The following PELP1 variants were observed in gnomAD, a reference collection of about 807,000 sequenced individuals.
The protein encoded by PELP1 is proline-, glutamic acid- and leucine-rich protein 1.
A neutral mutation model predicts 95.5 loss-of-function variants in PELP1; 32 were observed. The ratio of observed to expected loss-of-function variants is 0.34; its 90% CI spans 0.25 to 0.45. PELP1 has a LOEUF of 0.45. Among genes scored for constraint, PELP1 ranks in the 20% least tolerant of loss-of-function variants. The pLI is 1.00. For synonymous variants in PELP1, 668 were observed against 600.1 expected (o/e 1.11, Z -1.65); for missense variants, 1,358 against 1,444.8 (o/e 0.94, Z 0.97).
intron 3 of PELP1, 91 bp downstream of exon 3, chr17:4,690,797 T>C (rs1457985819): frequency 1.4e-5 from 11 of 803,506 alleles, no homozygotes; most frequent in Non-Finnish European, 2.4e-5. Context: ...TCCCCAGAAC[T>C]ACATGTCCAA....
At chr17:4,698,008 G>GCTTTTTT (rs1223259169) in intron 1 of PELP1, among the ~76,000 whole-genome samples, 2 of 133,596 alleles carry the variant, frequency 1.5e-5, no homozygotes, top group African/African-American at 2.8e-5. Flanking sequence ...TTTCTGCAAG[G>GCTTTTTT]TTTTTTTTTT....
At chr17:4,698,367 C>T (rs192808388) in intron 1 of PELP1, among the ~76,000 whole-genome samples, 5 of 151,748 alleles carry the variant, frequency 3.3e-5, no homozygotes, top group Middle Eastern at 6.8e-3. Context: ...GCAAGCTGGG[C>T]GCGGTGGCTC....
intron 3 of PELP1, among the ~76,000 whole-genome samples, chr17:4,683,340 C>T (rs1030713737): frequency 1.3e-5 from 2 of 151,382 alleles, no homozygotes; most frequent in Admixed American, 6.6e-5. Context: ...CCTGCCTCAG[C>T]CTCCCGAGTA....
At chr17:4,689,643 C>T (rs1913023341) in intron 3 of PELP1, among the ~76,000 whole-genome samples, 5 of 152,148 alleles carry the variant, frequency 3.3e-5, no homozygotes, top group Admixed American at 2.6e-4. Context: ...TGAGAAAGAC[C>T]CTTGCGCACA....
intron 13 of PELP1, 81 bp downstream of exon 13, chr17:4,674,429 T>A (rs1174996534): frequency 7.6e-7 from 1 of 1,312,244 alleles, no homozygotes; most frequent in Non-Finnish European, 1.1e-6. Flanking sequence ...CCTAAGGGTA[T>A]AGTAGGTAGG....
Position 4,671,468 on chromosome 17 carries a change from G to T in PELP1, c.3364C>A (p.Pro1122Thr). ...FIDCPPDDEK[P>T]PPPTEPDS ...GAGTCAGGCTCTGTGGGAGGTGGTG[G>T]CTTCTCATCATCAGGGGGACAATCG... is the stretch of plus-strand genomic sequence containing the variant. The change falls in exon 17 of 17, where the codon CCA (proline) becomes ACA (threonine). Residue 1122 changes from proline (P) to threonine (T), a missense_variant. This residue lies in a region of PELP1 where 283 missense variants were observed against 284.1 expected (regional missense o/e 1.00). Coordinates refer to ENST00000572293, the MANE Select transcript of PELP1 (RefSeq NM_014389.3). 1 of 1,596,968 alleles carries T rather than the reference G, an allele frequency of 6.3e-7. No homozygotes were observed. Among genetic ancestry groups the T allele is most frequent in the Non-Finnish European group, 8.6e-7 (1 of 1,164,374 alleles).
At chr17:4,682,276 ACAGGTT>A (rs1176208983) in intron 5 of PELP1, among the ~76,000 whole-genome samples, 2 of 152,358 alleles carry the variant, frequency 1.3e-5, no homozygotes, top group East Asian at 3.9e-4. Flanking sequence ...TCAAACAGAT[ACAGGTT>A]CCAGTGCCTG....
intron 5 of PELP1, among the ~76,000 whole-genome samples, chr17:4,678,689 C>T (rs1912586151): frequency 6.6e-6 from 1 of 152,270 alleles, no homozygotes; most frequent in Non-Finnish European, 1.5e-5. Context: ...GTCTTCCCAC[C>T]CATTCCGAGG....
intron 2 of PELP1, 72 bp from the exon 3 acceptor site, chr17:4,691,065 T>C (rs1913078899): frequency 9.3e-7 from 1 of 1,073,898 alleles, no homozygotes; most frequent in Non-Finnish European, 1.4e-6. Context: ...GCTCTTTTAT[T>C]CTCACTAGGC....
chr17:4,687,841 G>A (rs1381246291), intron 3 of PELP1, among the ~76,000 whole-genome samples: 2 of 152,158 alleles, frequency 1.3e-5, no homozygotes, highest in African/African-American at 4.8e-5. Context: ...ATCAAAGGAT[G>A]TAAAAGTAGG....
Position 4,683,829 on chromosome 17 carries a change from C to CTT in PELP1, c.421-879_421-878dup, listed in dbSNP as rs994295435. Among the ~76,000 whole-genome samples the CTT allele has an allele frequency of 5.0e-4, 46 of 91,296 alleles. 1 individual carries two copies. Among genetic ancestry groups the CTT allele is most frequent in the African/African-American group, 7.1e-4 (13 of 18,216 alleles). The allele number at this position is 91,296 out of a possible 152,430, so 59.9% of individuals were successfully genotyped here. Reference sequence around the variant, plus strand: ...ACAGGCGTGAGCCACAGTGCCCAGCCTTTTTTTTTTTTTTTTTTTTTTTTT... The same window carrying CTT: ...ACAGGCGTGAGCCACAGTGCCCAGCCTTTTTTTTTTTTTTTTTTTTTTTTTTT... On this transcript the variant is annotated intron_variant, in intron 3 of 16. Coordinates refer to ENST00000572293, the MANE Select transcript of PELP1 (RefSeq NM_014389.3).
At chr17:4,681,227 G>A (rs1320427835) in intron 5 of PELP1, among the ~76,000 whole-genome samples, 1 of 152,244 alleles carries the variant, frequency 6.6e-6, no homozygotes, top group Non-Finnish European at 1.5e-5. Context: ...GCTCATGCCT[G>A]TAATCCCAAC....
At chr17:4,688,722 T>G (rs1912994048) in intron 3 of PELP1, among the ~76,000 whole-genome samples, 1 of 152,162 alleles carries the variant, frequency 6.6e-6, no homozygotes, top group South Asian at 2.1e-4. Flanking sequence ...TGGAAACACA[T>G]CCATGTTCAT....
intron 3 of PELP1, among the ~76,000 whole-genome samples, chr17:4,690,271 G>A (rs3947040): frequency 0.66 from 99,808 of 151,986 alleles, 33,611 homozygotes; most frequent in South Asian, 0.85. Flanking sequence ...TGAGGACTCG[G>A]GCGGAAATGT....
chr17:4,676,438 C>T lies in PELP1; in HGVS notation c.772G>A (p.Glu258Lys), dbSNP rs757402798. 6 of 1,613,826 alleles carry T rather than the reference C, an allele frequency of 3.7e-6. No homozygotes were observed. The highest frequency in any genetic ancestry group is 2.2e-5 in the South Asian group (2 of 91,066). The stretch of plus-strand genomic sequence containing the variant: ...CTGTGTAGCTCCTGCTCCCAGCTCT[C>T]GGTGTGCTTCAGGCCTTGGGAAAAG... ...AGFSQGLKHT[E>K]SWEQELHSLL... Residue 258 changes from glutamate to lysine, a missense_variant, in exon 7 of 17, where the codon GAG (glutamate) becomes AAG (lysine). Transcript: ENST00000572293.
chr17:4,677,511 TAG>T (rs1229456366), intron 5 of PELP1, among the ~76,000 whole-genome samples: 1 of 152,250 alleles, frequency 6.6e-6, no homozygotes, highest in Non-Finnish European at 1.5e-5. Context: ...CTGTCACTAA[TAG>T]AATCATTTTC....
Position 4,675,721 on chromosome 17 carries a change from A to G in PELP1, c.1068+76T>C. On this transcript the variant is annotated intron_variant, in intron 9 of 16. Transcript: ENST00000572293. This position sits in a 1 kb window ranked among gnomAD's most constrained non-coding sequence, Gnocchi z 4.3. ...CTCCAGGATGACACTGTTTGGGGAG[A>G]CTCAGGTCCCCAGTACTTTCCTGGT... The G allele has an allele frequency of 9.7e-7, 1 of 1,032,256 alleles. No homozygotes were observed. The highest frequency in any genetic ancestry group is 1.5e-6 in the Non-Finnish European group (1 of 672,388). 63.9% of individuals were successfully genotyped at this position (1,032,256 alleles called of 1,614,324 possible).
At chr17:4,686,387 C>T (rs546282419) in intron 3 of PELP1, among the ~76,000 whole-genome samples, 1 of 152,334 alleles carries the variant, frequency 6.6e-6, no homozygotes, top group Admixed American at 6.5e-5. Context: ...ATCAGTTCTA[C>T]TGCCACAACC....
rs750844787 is a variant in PELP1, at chr17:4,673,017, C to T, written c.1974G>A (p.Ser658=). Residue 658 remains serine, a synonymous_variant, in exon 16 of 17, where the codon TCG becomes TCA. Transcript: ENST00000572293. The surrounding 1 kb of genome is among the most constrained non-coding windows in gnomAD (Gnocchi z 5.7). ...PAPVPPPEAP[S]PFRAPPFHPP... Reference sequence around the variant, plus strand: ...GATGGAACGGTGGGGCCCTGAAGGGCGATGGGGCCTCAGGAGGGGGAACTG... The same window carrying T: ...GATGGAACGGTGGGGCCCTGAAGGGTGATGGGGCCTCAGGAGGGGGAACTG... The T allele has an allele frequency of 1.3e-5, 20 of 1,537,022 alleles. No individual in the cohort carries two copies. The highest frequency in any genetic ancestry group is 1.7e-5 in the Non-Finnish European group (19 of 1,144,042).
Sources: allele counts gnomAD v4.1 joint callset (sites outside exome capture counted in the v4.1 genomes callset), GRCh38; gene constraint gnomAD v4.1.1; regional missense constraint gnomAD v4.1.1; non-coding constraint Gnocchi (gnomAD v3.1); transcripts MANE v1.5; gene names NCBI Gene and HGNC (gene_info 2026-07-23, HGNC 2026-07-21).